SORCS1: variants seen among roughly 807,000 people sequenced by gnomAD.
The protein encoded by SORCS1 is VPS10 domain-containing receptor SorCS1.
In SORCS1, 60 loss-of-function variants were observed where a neutral mutation model predicts 146.1. The observed-to-expected ratio is 0.41, with a 90% confidence interval of 0.33 to 0.51. SORCS1 has a LOEUF of 0.51. Ranked by LOEUF, SORCS1 falls within the 20% of genes least tolerant of loss-of-function variation. The pLI is 0.21. For missense variants in SORCS1, 1,352 were observed against 1,487.6 expected (o/e 0.91, Z 1.50); for synonymous variants, 637 against 584.0 (o/e 1.09, Z -1.31).
intron 1 of SORCS1, among the ~76,000 whole-genome samples, chr10:107,047,178 A>G (rs562552399): frequency 6.6e-6 from 1 of 152,078 alleles, no homozygotes; most frequent in African/African-American, 2.4e-5. Context: ...TAGTAGAGAC[A>G]GGGTTTCACC....
chr10:106,988,572 G>T (rs1177796250), intron 1 of SORCS1, among the ~76,000 whole-genome samples: 1 of 151,990 alleles, frequency 6.6e-6, no homozygotes, highest in East Asian at 1.9e-4. Context: ...CTGCAAGAAG[G>T]TCACCTTTTA....
chr10:106,593,404 T>G (rs940641142), intron 24 of SORCS1, among the ~76,000 whole-genome samples: 6 of 152,226 alleles, frequency 3.9e-5, no homozygotes, highest in African/African-American at 1.4e-4. Context: ...GTTTGTCTTT[T>G]GCATAAGAAA....
At chr10:106,989,116 A>C (rs1956621818) in intron 1 of SORCS1, among the ~76,000 whole-genome samples, 1 of 151,294 alleles carries the variant, frequency 6.6e-6, no homozygotes, top group Non-Finnish European at 1.5e-5. Flanking sequence ...AAAAAAAAAA[A>C]AAAATTAGCT....
At position 106,950,590 on chromosome 10, in the gene SORCS1, C is replaced by A. The variant is rs116186762; in HGVS notation, c.626+5923G>T. Among the ~76,000 whole-genome samples, 499 of 151,842 alleles carry A rather than the reference C, an allele frequency of 3.3e-3. 1 individual carries two copies. The highest frequency in any genetic ancestry group is 0.012 in the African/African-American group (477 of 41,394). On this transcript the variant is annotated intron_variant, in intron 2 of 25. Transcript: ENST00000263054. ...ATTCACTCTGTATATGGTGTTTGTACGTGTGTGTGTCTGTGTGTGTATATA... is the reference window on the plus strand; with the variant it reads ...ATTCACTCTGTATATGGTGTTTGTAAGTGTGTGTGTCTGTGTGTGTATATA...
chr10:107,128,661 T>G (rs1966839752), intron 1 of SORCS1, among the ~76,000 whole-genome samples: 1 of 152,224 alleles, frequency 6.6e-6, no homozygotes, highest in Non-Finnish European at 1.5e-5. Flanking sequence ...ACTGCTACCA[T>G]TAGTTCCTTA....
rs139573759 is a variant in SORCS1, at chr10:107,127,532, T to C, written c.558+36437A>G. ...TAACTTTGTCTATGATTTGGTTAATTCTTAGGACAGCAGGGAAATGGGATC... is the reference window on the plus strand; with the variant it reads ...TAACTTTGTCTATGATTTGGTTAATCCTTAGGACAGCAGGGAAATGGGATC... On this transcript the variant is annotated intron_variant, in intron 1 of 25. Coordinates refer to ENST00000263054, the MANE Select transcript of SORCS1 (RefSeq NM_052918.5). Among the ~76,000 whole-genome samples, 865 of 152,256 alleles carry C rather than the reference T, an allele frequency of 5.7e-3. 6 individuals are homozygous for C. The highest frequency in any genetic ancestry group is 9.4e-3 in the Non-Finnish European group (638 of 68,008).
chr10:106,729,065 C>T (rs1262880402), intron 6 of SORCS1, among the ~76,000 whole-genome samples: 1 of 152,174 alleles, frequency 6.6e-6, no homozygotes, highest in Non-Finnish European at 1.5e-5. Flanking sequence ...TCTGAGGATC[C>T]TCTGTACCAG....
chr10:106,849,538 C>T (rs1030483817), intron 2 of SORCS1, among the ~76,000 whole-genome samples: 11 of 150,086 alleles, frequency 7.3e-5, no homozygotes, highest in Admixed American at 6.0e-4. Flanking sequence ...TGAATGTCCT[C>T]CCGTAGCTCA....
chr10:106,843,520 C>T (rs954090617), intron 2 of SORCS1, among the ~76,000 whole-genome samples: 1 of 151,048 alleles, frequency 6.6e-6, no homozygotes, highest in African/African-American at 2.4e-5. Flanking sequence ...CAAGCTCCGC[C>T]CCCCAGGTTC....
chr10:106,841,477 T>TATACACAC (rs1949037097), intron 2 of SORCS1, among the ~76,000 whole-genome samples: 1 of 150,358 alleles, frequency 6.7e-6, no homozygotes, highest in South Asian at 2.1e-4. Context: ...TTCAATAAAA[T>TATACACAC]ACACACACAC....
At chr10:106,604,987 G>A (rs559971213) in intron 23 of SORCS1, among the ~76,000 whole-genome samples, 2 of 152,264 alleles carry the variant, frequency 1.3e-5, no homozygotes, top group Non-Finnish European at 2.9e-5. Context: ...TCGGTAAAAT[G>A]GACATAATAA....
chr10:106,891,504 C>CTT (rs760812204), intron 2 of SORCS1, among the ~76,000 whole-genome samples: 6 of 97,258 alleles, frequency 6.2e-5, no homozygotes, highest in African/African-American at 7.2e-5. Context: ...AATGGGAATT[C>CTT]TTTTTTTTTT....
At chr10:106,840,453 C>T (rs562202064) in intron 2 of SORCS1, among the ~76,000 whole-genome samples, 14 of 152,110 alleles carry the variant, frequency 9.2e-5, no homozygotes, top group African/African-American at 3.1e-4. Flanking sequence ...TGAGGAGTTG[C>T]TTCTTATGGA....
chr10:106,862,646 T>C (rs998553750), intron 2 of SORCS1, among the ~76,000 whole-genome samples: 1 of 152,028 alleles, frequency 6.6e-6, no homozygotes, highest in African/African-American at 2.4e-5. Context: ...AAAATAGTTT[T>C]CATATAATAA....
At chr10:106,731,282 G>C (rs1264174938) in intron 5 of SORCS1, among the ~76,000 whole-genome samples, 1 of 116,006 alleles carries the variant, frequency 8.6e-6, no homozygotes, top group African/African-American at 3.5e-5. Flanking sequence ...GACGGAGTGA[G>C]ACTCCGTCTC....
chr10:106,987,102 C>A lies in SORCS1; in HGVS notation c.559-30522G>T, dbSNP rs954677064. 2.6e-5 allele frequency among the ~76,000 whole-genome samples: 4 copies of A among 152,136 alleles called. No individual in the cohort carries two copies. In the East Asian group the frequency reaches 7.7e-4, roughly 29 times the overall value. On this transcript the variant is annotated intron_variant, in intron 1 of 25. Transcript: ENST00000263054. ...TCTTCTTCTGAATAATTTTTTCACT[C>A]CTAATAGGCTTTTAAAAAATTACTG... is the stretch of plus-strand genomic sequence containing the variant.
At chr10:106,948,019 A>G (rs1457065654) in intron 2 of SORCS1, among the ~76,000 whole-genome samples, 1 of 152,234 alleles carries the variant, frequency 6.6e-6, no homozygotes, top group Non-Finnish European at 1.5e-5. Flanking sequence ...GATGCTTACA[A>G]GCCTGGCCCA....
chr10:106,671,622 T>C (rs1384537571), intron 15 of SORCS1, among the ~76,000 whole-genome samples: 1 of 152,216 alleles, frequency 6.6e-6, no homozygotes, highest in Non-Finnish European at 1.5e-5. Context: ...AGCCTTTATT[T>C]GGCAAAGTGT....
chr10:106,865,919 G>C (rs2137506195), intron 2 of SORCS1, among the ~76,000 whole-genome samples: 2 of 151,552 alleles, frequency 1.3e-5, no homozygotes, highest in Non-Finnish European at 2.9e-5. Flanking sequence ...TGTAATCCCA[G>C]CTACTCAGGA....
Sources: allele counts gnomAD v4.1 joint callset (sites outside exome capture counted in the v4.1 genomes callset), GRCh38; gene constraint gnomAD v4.1.1; transcripts MANE v1.5; gene names NCBI Gene and HGNC (gene_info 2026-07-23, HGNC 2026-07-21).